The following RNF180 variants were observed in gnomAD, a reference collection of about 807,000 sequenced individuals.
The protein encoded by RNF180 is ring finger protein 180.
Under a neutral mutation model 59.2 loss-of-function variants are expected in RNF180, and 38 were observed. The ratio of observed to expected loss-of-function variants is 0.64; its 90% CI spans 0.50 to 0.84. The LOEUF is 0.84. Among genes scored for constraint, RNF180 ranks in the 40% least tolerant of loss-of-function variants. RNF180 has a pLI of 0.00. For missense variants in RNF180, 705 were observed against 700.9 expected, an observed-to-expected ratio of 1.01 and a Z score of -0.07; for synonymous variants, 262 against 240.3, an observed-to-expected ratio of 1.09 and a Z score of -0.84.
chr5:64,230,461 C>T (rs1742033156), intron 5 of RNF180, among the ~76,000 whole-genome samples: 1 of 152,196 alleles, frequency 6.6e-6, no homozygotes, highest in African/African-American at 2.4e-5. Flanking sequence ...ATATTCAAAG[C>T]CAGCAGTAGC....
At chr5:64,197,666 A>T (rs939141145) in intron 1 of RNF180, among the ~76,000 whole-genome samples, 12 of 152,212 alleles carry the variant, frequency 7.9e-5, no homozygotes, top group Admixed American at 3.9e-4. Flanking sequence ...GAACCCATAG[A>T]GCACTTGTGC....
chr5:64,192,926 TATATATATATATAA>T (rs944084055), intron 1 of RNF180, among the ~76,000 whole-genome samples: 6 of 137,828 alleles, frequency 4.4e-5, no homozygotes, highest in African/African-American at 1.7e-4. Context: ...TATATATATA[TATATATATATATAA>T]AATGAAACAT....
intron 5 of RNF180, among the ~76,000 whole-genome samples, chr5:64,278,243 G>A (rs866412767): frequency 6.6e-6 from 1 of 152,112 alleles, no homozygotes; most frequent in African/African-American, 2.4e-5. Context: ...CTCATCCACC[G>A]GTTAGTAATC....
chr5:64,173,940 A>T (rs1048420867), intron 1 of RNF180, among the ~76,000 whole-genome samples: 1 of 151,902 alleles, frequency 6.6e-6, no homozygotes, highest in Non-Finnish European at 1.5e-5. Context: ...GTTCTCAAAC[A>T]CCTGACCTCG....
At chr5:64,277,302 G>A (rs1741778063) in intron 5 of RNF180, among the ~76,000 whole-genome samples, 2 of 151,876 alleles carry the variant, frequency 1.3e-5, no homozygotes, top group African/African-American at 4.8e-5. Context: ...AATATAAAAA[G>A]CAGGAATGAG....
chr5:64,273,091 C>G (rs1039429035), intron 5 of RNF180, among the ~76,000 whole-genome samples: 1 of 151,742 alleles, frequency 6.6e-6, no homozygotes, highest in Non-Finnish European at 1.5e-5. Context: ...ATGAAAGTGA[C>G]CTCAGGTTGT....
intron 7 of RNF180, among the ~76,000 whole-genome samples, chr5:64,337,753 G>A (rs9764566): frequency 0.018 from 2,715 of 148,286 alleles, 85 homozygotes; most frequent in African/African-American, 0.065. Flanking sequence ...GAGAACATGC[G>A]GTGTTTGGTT....
chr5:64,253,898 T>G (rs968312745), intron 5 of RNF180, among the ~76,000 whole-genome samples: 2 of 152,084 alleles, frequency 1.3e-5, no homozygotes, highest in Admixed American at 6.6e-5. Flanking sequence ...TTTAGAACAT[T>G]ATCTTGCATA....
chr5:64,359,772 C>T (rs1208414922), intron 7 of RNF180, among the ~76,000 whole-genome samples: 4 of 151,644 alleles, frequency 2.6e-5, no homozygotes, highest in South Asian at 4.2e-4. Context: ...GTTTTAGGTC[C>T]AACGTTTAAG....
In RNF180 at chr5:64,210,429, AGG is replaced by A. The variant is rs973213977; in HGVS notation, c.136-1635_136-1634del. On this transcript the variant is annotated intron_variant, in intron 2 of 7. Transcript: ENST00000389100. ...TAGAATAATTAAAGTTTGGAACCCT[AGG>A]ATTATCAATGATTGAATGTGCTAGA... Among the ~76,000 whole-genome samples, 101 of 152,284 alleles carry A rather than the reference AGG, an allele frequency of 6.6e-4. 1 individual carries two copies. Among genetic ancestry groups the A allele is most frequent in the African/African-American group, 2.4e-3 (98 of 41,572 alleles).
intron 1 of RNF180, among the ~76,000 whole-genome samples, chr5:64,181,619 A>G (rs896598720): frequency 6.6e-6 from 1 of 152,194 alleles, no homozygotes; most frequent in African/African-American, 2.4e-5. Flanking sequence ...TTGCCTAGAT[A>G]GGAGCAGATG....
intron 5 of RNF180, among the ~76,000 whole-genome samples, chr5:64,305,515 G>T (rs141204414): frequency 4.5e-4 from 68 of 151,312 alleles, no homozygotes; most frequent in African/African-American, 1.2e-3. Context: ...TATATCGTCT[G>T]CCAGTTTACT....
At chr5:64,369,012 T>G (rs190214627) in intron 7 of RNF180, among the ~76,000 whole-genome samples, 1 of 152,186 alleles carries the variant, frequency 6.6e-6, no homozygotes, top group East Asian at 1.9e-4. Context: ...CGTGCACACG[T>G]ATGTTTATTG....
intron 7 of RNF180, among the ~76,000 whole-genome samples, chr5:64,352,503 A>T (rs372089218): frequency 1.3e-5 from 2 of 151,850 alleles, no homozygotes; most frequent in South Asian, 4.2e-4. Context: ...TAGGGTGTCA[A>T]TTTTAGATCT....
intron 7 of RNF180, among the ~76,000 whole-genome samples, chr5:64,357,302 C>T (rs768723466): frequency 5.3e-5 from 8 of 151,768 alleles, no homozygotes; most frequent in Non-Finnish European, 1.0e-4. Context: ...ATATATCTCT[C>T]CACCTCTGCT....
chr5:64,199,638 T>C (rs1751633298), intron 1 of RNF180, among the ~76,000 whole-genome samples: 1 of 152,228 alleles, frequency 6.6e-6, no homozygotes, highest in Non-Finnish European at 1.5e-5. Context: ...CATAGGTAGC[T>C]TTCAATAAGT....
intron 7 of RNF180, among the ~76,000 whole-genome samples, chr5:64,368,822 G>A (rs1303959867): frequency 6.6e-6 from 1 of 151,976 alleles, no homozygotes; most frequent in African/African-American, 2.4e-5. Flanking sequence ...AGGTGCTGGA[G>A]AGGATGTGGA....
intron 5 of RNF180, among the ~76,000 whole-genome samples, chr5:64,294,026 T>C (rs1345069236): frequency 6.6e-6 from 1 of 152,200 alleles, no homozygotes; most frequent in East Asian, 1.9e-4. Flanking sequence ...TGCATGGGCC[T>C]ACATACTTCA....
rs539878967 is a variant in RNF180 at position 64,268,878 on chromosome 5, A to G, written c.1227+51482A>G. Among the ~76,000 whole-genome samples, 43 of 152,216 alleles carry G rather than the reference A, an allele frequency of 2.8e-4. No individual in the cohort carries two copies. In the East Asian group the frequency reaches 6.0e-3, roughly 21 times the overall value. On this transcript the variant is annotated intron_variant, in intron 5 of 7. Coordinates refer to ENST00000389100, the MANE Select transcript of RNF180 (RefSeq NM_001113561.2). ...TCTTCCTTGAACATGACTTTTTATC[A>G]CAAGAGCCCTTCTCTGAAACCTATA...
Sources: gnomAD v4.1 joint callset for allele counts (sites outside exome capture counted in the v4.1 genomes callset) on GRCh38, gnomAD v4.1.1 for gene constraint, MANE v1.5 for transcripts, NCBI Gene and HGNC (gene_info 2026-07-23, HGNC 2026-07-21) for gene names.